Variants in LHX2 observed in about 807,000 individuals in gnomAD.
The protein encoded by LHX2 is LIM homeobox 2.
In LHX2, 6 loss-of-function variants were observed where a neutral mutation model predicts 33.0. The observed-to-expected ratio is 0.18, with a 90% confidence interval of 0.10 to 0.36. The LOEUF (loss-of-function observed/expected upper bound fraction) is 0.36. Ranked by LOEUF, LHX2 falls within the 10% of genes least tolerant of loss-of-function variation. The pLI is 1.00. For missense variants in LHX2, 442 were observed against 586.2 expected (o/e 0.75, Z 2.54); for synonymous variants, 292 against 253.1 (o/e 1.15, Z -1.46).
In LHX2 at chr9:124,013,963, C is replaced by G. The variant is rs1312571730; in HGVS notation, c.123C>G (p.Thr41=). ...CTTCCGCCTCCCTCCCTTCGCAGAC[C>G]ATGCCGTCCATCAGCAGTGACCGCG... ...SAIDRGDTET[T]MPSISSDRAA... The change falls in exon 2 of 5, where the codon ACC becomes ACG. Residue 41 remains threonine (T), a splice_region_variant and synonymous_variant. Coordinates refer to ENST00000373615, the MANE Select transcript of LHX2 (RefSeq NM_004789.4). The G allele has an allele frequency of 2.5e-6, 4 of 1,612,082 alleles. No homozygotes were observed. Among genetic ancestry groups the G allele is most frequent in the Non-Finnish European group, 3.4e-6 (4 of 1,179,498 alleles).
intron 3 of LHX2, among the ~76,000 whole-genome samples, chr9:124,020,331 G>T (rs1222238129): frequency 6.6e-6 from 1 of 152,072 alleles, no homozygotes; most frequent in African/African-American, 2.4e-5. Context: ...GCAGATCTCT[G>T]AACTTCCCCG....
chr9:124,021,335 C>T (rs768078810), intron 4 of LHX2, 31 bp downstream of exon 4: 3 of 1,601,660 alleles, frequency 1.9e-6, no homozygotes, highest in East Asian at 2.2e-5. Flanking sequence ...AGGGCATCTG[C>T]GACCACCAGG....
intron 4 of LHX2, among the ~76,000 whole-genome samples, chr9:124,026,025 AG>A: frequency 6.6e-6 from 1 of 152,292 alleles, no homozygotes; most frequent in East Asian, 1.9e-4. Context: ...GTGACTAGTT[AG>A]TTATTACTAA....
chr9:124,021,345 G>A (rs776228096), intron 4 of LHX2, 41 bp downstream of exon 4: 6 of 1,584,648 alleles, frequency 3.8e-6, no homozygotes, highest in Non-Finnish European at 4.3e-6. Context: ...CGACCACCAG[G>A]GACTGGGGTG....
chr9:124,021,199 C>T lies in LHX2; in HGVS notation c.828C>T (p.His276=). The change falls in exon 4 of 5, where the codon CAC becomes CAT. Residue 276 remains histidine, a synonymous_variant. Coordinates refer to ENST00000373615, the MANE Select transcript of LHX2 (RefSeq NM_004789.4). ...GCATGCGCACGTCCTTCAAGCACCACCAGCTTCGGACCATGAAGTCTTACT... is the reference window on the plus strand; with the variant it reads ...GCATGCGCACGTCCTTCAAGCACCATCAGCTTCGGACCATGAAGTCTTACT... The part of the protein sequence containing the change: ...TKRMRTSFKH[H]QLRTMKSYFA... 1 of 1,614,236 alleles carries T rather than the reference C, an allele frequency of 6.2e-7. No homozygotes were observed. Among genetic ancestry groups the T allele is most frequent in the African/African-American group, 1.3e-5 (1 of 75,066 alleles).
intron 3 of LHX2, among the ~76,000 whole-genome samples, chr9:124,019,178 T>C (rs936171565): frequency 1.3e-5 from 2 of 152,122 alleles, no homozygotes; most frequent in African/African-American, 4.8e-5. Context: ...GTGCTCTCTG[T>C]GGGAATGCAG....
chr9:124,017,955 C>T (rs1474960467), intron 3 of LHX2, among the ~76,000 whole-genome samples: 2 of 151,838 alleles, frequency 1.3e-5, no homozygotes, highest in Admixed American at 6.6e-5. Flanking sequence ...GGGGCCCGGG[C>T]CGCGCACTTT....
Position 124,015,050 on chromosome 9 carries a change from G to A in LHX2, c.324-72G>A. On this transcript the variant is annotated intron_variant, in intron 2 of 4. Transcript: ENST00000373615. The surrounding 1 kb of genome is among the most constrained non-coding windows in gnomAD (Gnocchi z 7.9). ...GGGGATTGCCCCCCGCAGCAGCAGC[G>A]GCACCTGGAGGAGGAAAAGGGGGGT... 6.4e-7 allele frequency: 1 copy of A among 1,555,568 alleles called. No homozygotes were observed. The highest frequency in any genetic ancestry group is 2.2e-5 in the East Asian group (1 of 44,448).
chr9:124,018,401 G>C (rs1482358932), intron 3 of LHX2, among the ~76,000 whole-genome samples: 1 of 152,008 alleles, frequency 6.6e-6, no homozygotes, highest in African/African-American at 2.4e-5. Context: ...GAGGGGGTTC[G>C]GGGCGCCGGC....
In LHX2 at chr9:124,021,112, C is replaced by T. The variant is rs755198475; in HGVS notation, c.741C>T (p.Asn247=). The part of the protein sequence containing the change: ...LAAYNAALSC[N]ENDAEHLDRD... ...TCTCCTCCCTAGCGCTAAGCTGCAA[C>T]GAAAACGACGCAGAGCACCTGGACC... Residue 247 remains asparagine, a synonymous_variant, in exon 4 of 5, where the codon AAC becomes AAT. Transcript: ENST00000373615. 3 of 1,614,070 alleles carry T rather than the reference C, an allele frequency of 1.9e-6. No individual in the cohort carries two copies. The Admixed American group carries it at 5.0e-5, about 27-fold the overall frequency.
intron 4 of LHX2, among the ~76,000 whole-genome samples, chr9:124,029,809 C>T (rs900786741): frequency 6.6e-6 from 1 of 152,210 alleles, no homozygotes; most frequent in Non-Finnish European, 1.5e-5. Flanking sequence ...GGCAAGGCAG[C>T]GGCACCAAGG....
intron 3 of LHX2, among the ~76,000 whole-genome samples, chr9:124,017,565 T>TCGTGTG (rs1306476151): frequency 4.0e-5 from 6 of 149,418 alleles, no homozygotes; most frequent in Non-Finnish European, 5.9e-5. Flanking sequence ...CGGGCGCGGG[T>TCGTGTG]CGTGTGCGTG....
At chr9:124,021,032 C>T (rs1319636608) in intron 3 of LHX2, 67 bp from the exon 4 acceptor site, 9 of 1,428,238 alleles carry the variant, frequency 6.3e-6, no homozygotes, top group Admixed American at 3.5e-5. Context: ...GTGGGTGGGG[C>T]GAGTGTGGAT....
chr9:124,021,812 C>A, intron 4 of LHX2: 1 of 156,698 alleles, frequency 6.4e-6, no homozygotes. Flanking sequence ...CCTCTCTCTT[C>A]CTTCAGGCAT....
chr9:124,014,066 C>T lies in LHX2; in HGVS notation c.226C>T (p.Arg76Cys), dbSNP rs867375573. 11 of 1,613,488 alleles carry T rather than the reference C, an allele frequency of 6.8e-6. No individual in the cohort carries two copies. The highest frequency in any genetic ancestry group is 9.3e-6 in the Non-Finnish European group (11 of 1,179,998). The change falls in exon 2 of 5, where the codon CGC becomes TGC. Residue 76 changes from arginine (R) to cysteine (C), a missense_variant. Arg to Cys is a radical substitution (Grantham distance 180, BLOSUM62 -3). Coordinates refer to ENST00000373615, the MANE Select transcript of LHX2 (RefSeq NM_004789.4). The surrounding 1 kb of genome is among the most constrained non-coding windows in gnomAD (Gnocchi z 4.8). ...LLAVDKQWHM[R>C]CLKCCECKLN... ...GGCGGTGGACAAGCAGTGGCACATG[C>T]GCTGCCTCAAGTGCTGCGAGTGCAA... is the stretch of plus-strand genomic sequence containing the variant.
chr9:124,022,882 C>T (rs1026129617), intron 4 of LHX2, among the ~76,000 whole-genome samples: 16 of 152,136 alleles, frequency 1.1e-4, no homozygotes, highest in African/African-American at 3.4e-4. Flanking sequence ...AGAGGGAGGA[C>T]TGGGTGACGT....
Position 124,014,291 on chromosome 9 carries a change from C to CCCA in LHX2, c.323+130_323+131insACC, listed in dbSNP as rs1200943477. The CCCA allele has an allele frequency of 1.6e-6, 1 of 623,776 alleles. No individual in the cohort carries two copies. Among genetic ancestry groups the CCCA allele is most frequent in the African/African-American group, 1.8e-5 (1 of 54,550 alleles). 38.6% of individuals were successfully genotyped at this position (623,776 alleles called of 1,614,324 possible). A position where few individuals can be genotyped will look rare whatever the true frequency, so the allele number is the denominator to read the frequency against. On this transcript the variant is annotated intron_variant, in intron 2 of 4. Transcript: ENST00000373615. This position sits in a 1 kb window ranked among gnomAD's most constrained non-coding sequence, Gnocchi z 4.8. ...CACTACTCAGGACTCCCCCGCTCCC[C>CCCA]CCCCAAGTTCTCCAAGCCACCACAA...
chr9:124,014,195 C>T lies in LHX2; in HGVS notation c.323+32C>T, dbSNP rs1233367175. ...CCCCCACCCAACTGCCCCTCAGGAC[C>T]CCTCCCCCCAATCTCAGGCACAGTC... On this transcript the variant is annotated intron_variant, in intron 2 of 4. Transcript: ENST00000373615. The surrounding 1 kb of genome is among the most constrained non-coding windows in gnomAD (Gnocchi z 4.8). 1.4e-6 allele frequency: 2 copies of T among 1,401,862 alleles called. No individual in the cohort carries two copies. Among genetic ancestry groups the T allele is most frequent in the African/African-American group, 1.6e-5 (1 of 62,744 alleles). 86.8% of individuals were successfully genotyped at this position (1,401,862 alleles called of 1,614,324 possible).
intron 4 of LHX2, among the ~76,000 whole-genome samples, chr9:124,029,955 G>A (rs923823216): frequency 3.3e-5 from 5 of 152,202 alleles, no homozygotes; most frequent in South Asian, 2.1e-4. Flanking sequence ...TCTGCTGGCC[G>A]GGAAAGGGAA....
Sources: allele counts gnomAD v4.1 joint callset (sites outside exome capture counted in the v4.1 genomes callset), GRCh38; gene constraint gnomAD v4.1.1; non-coding constraint Gnocchi (gnomAD v3.1); transcripts MANE v1.5; gene names NCBI Gene and HGNC (gene_info 2026-07-23, HGNC 2026-07-21).